Variants in TAF15 observed in about 807,000 individuals in gnomAD.
TAF15 encodes the protein TATA-box binding protein associated factor 15.
TAF15 carries 37 observed loss-of-function variants against 102.5 expected under a neutral mutation model. That is an observed-to-expected ratio of 0.36 (90% CI 0.28 to 0.47). TAF15 has a LOEUF of 0.47. Among genes scored for constraint, TAF15 ranks in the 20% least tolerant of loss-of-function variants. The probability of loss-of-function intolerance (pLI) is 0.99; values close to 1 mark genes in which losing one functional copy is unlikely to be tolerated. For missense variants in TAF15, 652 were observed against 760.7 expected, an observed-to-expected ratio of 0.86 and a Z score of 1.68; for synonymous variants, 273 against 259.2, an observed-to-expected ratio of 1.05 and a Z score of -0.51.
intron 1 of TAF15, chr17:35,810,557 T>C (rs1195669536): frequency 6.6e-6 from 1 of 152,242 alleles, no homozygotes; most frequent in African/African-American, 2.4e-5. Context: ...CAGGTGTCTA[T>C]CCACTTGCTA....
At chr17:35,845,152 C>A in intron 15 of TAF15, 114 bp downstream of exon 15, 1 of 1,334,786 alleles carries the variant, frequency 7.5e-7, no homozygotes, top group Non-Finnish European at 1.1e-6. Flanking sequence ...CCAGTTCTCT[C>A]AGGATGGAGA....
At position 35,822,627 on chromosome 17, in the gene TAF15, C is replaced by T. The variant is rs773605279; in HGVS notation, c.291-13C>T. The T allele has an allele frequency of 1.1e-5, 18 of 1,611,452 alleles. 1 individual carries two copies. The Admixed American group carries it at 2.8e-4, about 25-fold the overall frequency. ...TTCCTATGAAGTCTCTTAAGTTCTC[C>T]ATTTCTATTTAGCCAAGGTGGAAGA... On this transcript the variant is annotated splice_polypyrimidine_tract_variant and intron_variant, in intron 5 of 15. Coordinates refer to ENST00000605844, the MANE Select transcript of TAF15 (RefSeq NM_139215.3).
intron 2 of TAF15, among the ~76,000 whole-genome samples, chr17:35,819,636 A>G (rs1287315751): frequency 1.3e-5 from 2 of 152,172 alleles, no homozygotes; most frequent in African/African-American, 4.8e-5. Context: ...TAAATTGAGT[A>G]AGGTGTTCAT....
chr17:35,832,705 G>A (rs1286808331), intron 7 of TAF15, among the ~76,000 whole-genome samples: 5 of 152,090 alleles, frequency 3.3e-5, no homozygotes, highest in African/African-American at 1.2e-4. Context: ...TTATTGCCAT[G>A]TTAGCATATG....
chr17:35,825,149 C>T (rs2143774304), intron 7 of TAF15, among the ~76,000 whole-genome samples: 1 of 152,274 alleles, frequency 6.6e-6, no homozygotes, highest in Non-Finnish European at 1.5e-5. Context: ...AACCAGTTGC[C>T]CACAGACTGT....
chr17:35,844,573 G>A lies in TAF15; in HGVS notation c.1274G>A (p.Gly425Asp). The A allele has an allele frequency of 1.3e-6, 2 of 1,599,330 alleles. No homozygotes were observed. Among genetic ancestry groups the A allele is most frequent in the East Asian group, 2.3e-5 (1 of 44,272 alleles). Residue 425 changes from glycine (G) to aspartate (D), a missense_variant, in exon 15 of 16, where the codon GGT (glycine) becomes GAT (aspartate). This residue lies in a region of TAF15 where 368 missense variants were observed against 367.5 expected (regional missense o/e 1.00). Coordinates refer to ENST00000605844, the MANE Select transcript of TAF15 (RefSeq NM_139215.3). ...RGGYGGDRSG[G>D]GYGGDRSSGG... is the part of the protein sequence containing the mutation. Reference sequence around the variant, plus strand: ...GGCTATGGTGGAGACAGAAGTGGGGGTGGCTATGGTGGAGACAGAAGCAGC... The same window carrying A: ...GGCTATGGTGGAGACAGAAGTGGGGATGGCTATGGTGGAGACAGAAGCAGC...
chr17:35,819,565 G>C (rs936953652), intron 2 of TAF15, among the ~76,000 whole-genome samples: 1 of 152,158 alleles, frequency 6.6e-6, no homozygotes, highest in South Asian at 2.1e-4. Context: ...CATCTTTTAG[G>C]AAGTTAAAGC....
At chr17:35,812,866 G>T (rs1210896797) in intron 1 of TAF15, among the ~76,000 whole-genome samples, 1 of 152,112 alleles carries the variant, frequency 6.6e-6, no homozygotes, top group Non-Finnish European at 1.5e-5. Context: ...GGTGGCTCAT[G>T]CCTGTAATCC....
chr17:35,843,312 G>A (rs2087570233), intron 12 of TAF15, among the ~76,000 whole-genome samples: 1 of 151,902 alleles, frequency 6.6e-6, no homozygotes, highest in Non-Finnish European at 1.5e-5. Context: ...TAGTAGAGAT[G>A]GGGTTTCTCC....
At chr17:35,822,036 T>C (rs1278781627) in intron 5 of TAF15, among the ~76,000 whole-genome samples, 1 of 151,900 alleles carries the variant, frequency 6.6e-6, no homozygotes, top group Non-Finnish European at 1.5e-5. Context: ...TCTTTTACTT[T>C]TTTTTTTTTA....
intron 1 of TAF15, chr17:35,817,438 A>G: frequency 2.4e-6 from 1 of 424,270 alleles, no homozygotes; most frequent in Non-Finnish European, 4.3e-6. Context: ...TAAGGTCTTG[A>G]GTCTGTTTAA....
At chr17:35,812,959 C>G (rs2087143695) in intron 1 of TAF15, among the ~76,000 whole-genome samples, 1 of 151,810 alleles carries the variant, frequency 6.6e-6, no homozygotes, top group African/African-American at 2.4e-5. Flanking sequence ...GAAACCCCAT[C>G]TCTACTAAAA....
Position 35,833,918 on chromosome 17 carries a change from G to C in TAF15, c.617G>C (p.Arg206Pro). Residue 206 changes from arginine (R) to proline (P), a missense_variant, in exon 8 of 16, where the codon CGC (arginine) becomes CCC (proline). Physicochemically the swap from Arg to Pro is moderately radical, Grantham distance 103 (BLOSUM62 -2). Coordinates refer to ENST00000605844, the MANE Select transcript of TAF15 (RefSeq NM_139215.3). ...TTTTTCCTCTGCAGTGGTGGTGACC[G>C]CGGTGGCTTCAAAAATTTTGGTGGT... ...GPMTGSSGGD[R>P]GGFKNFGGHR... The C allele has an allele frequency of 6.2e-7, 1 of 1,613,816 alleles. No individual in the cohort carries two copies. Among genetic ancestry groups the C allele is most frequent in the Non-Finnish European group, 8.5e-7 (1 of 1,179,950 alleles).
intron 5 of TAF15, among the ~76,000 whole-genome samples, chr17:35,822,156 A>T (rs2087267896): frequency 6.6e-6 from 1 of 152,090 alleles, no homozygotes; most frequent in African/African-American, 2.4e-5. Context: ...AGCCTGACCA[A>T]CATGGAGAAA....
Position 35,845,181 on chromosome 17 carries a change from C to G in TAF15, c.1739+143C>G, listed in dbSNP as rs932060866. 30 of 1,064,706 alleles carry G rather than the reference C, an allele frequency of 2.8e-5. No homozygotes were observed. In the African/African-American group the frequency reaches 4.3e-4, roughly 15 times the overall value. The allele number at this position is 1,064,706 out of a possible 1,614,324, so 66.0% of individuals were successfully genotyped here. A position where few individuals can be genotyped will look rare whatever the true frequency, so the allele number is the denominator to read the frequency against. On this transcript the variant is annotated intron_variant, in intron 15 of 15. Coordinates refer to ENST00000605844, the MANE Select transcript of TAF15 (RefSeq NM_139215.3). ...ATGGAGAAGATGATTTAGTTTCCTG[C>G]TTAGCAATTTCTAAAATTTTGTTTT... is the stretch of plus-strand genomic sequence containing the variant.
In TAF15 at chr17:35,846,938, C is replaced by G; in HGVS notation, c.1772C>G (p.Pro591Arg). ...TACAGAAATGATCAGCGCAACCGAC[C>G]ATACTGATGACTGTTTTGAATGTTC... is the stretch of plus-strand genomic sequence containing the variant. ...NDYRNDQRNR[P>R]Y Residue 591 changes from proline to arginine, a missense_variant, in exon 16 of 16, where the codon CCA becomes CGA. By Grantham distance (103) the Pro-to-Arg change is moderately radical. Around this residue, in one of 3 missense-constraint regions of TAF15, gnomAD observed 368 missense variants for 367.5 expected, o/e 1.00. Coordinates refer to ENST00000605844, the MANE Select transcript of TAF15 (RefSeq NM_139215.3). 6.2e-7 allele frequency: 1 copy of G among 1,614,148 alleles called. No individual in the cohort carries two copies. The highest frequency in any genetic ancestry group is 8.5e-7 in the Non-Finnish European group (1 of 1,180,022).
intron 7 of TAF15, among the ~76,000 whole-genome samples, chr17:35,829,310 T>C (rs1008370779): frequency 6.6e-6 from 1 of 151,576 alleles, no homozygotes; most frequent in African/African-American, 2.4e-5. Context: ...GTTAGGTTTT[T>C]ATTTTATTTT....
In TAF15 at chr17:35,817,739, G is replaced by C. The variant is rs2087211818; in HGVS notation, c.31G>C (p.Gly11Arg). ...AGATTCTGGAAGTTACGGTCAGTCTGGGGGTGAGCAGCAAAGGTAAAGTAT... is the reference window on the plus strand; with the variant it reads ...AGATTCTGGAAGTTACGGTCAGTCTCGGGGTGAGCAGCAAAGGTAAAGTAT... MSDSGSYGQSGGEQQSYSTYG... is the reference protein window; with the variant it reads MSDSGSYGQSRGEQQSYSTYG... Residue 11 changes from glycine to arginine, a missense_variant, in exon 2 of 16, where the codon GGG becomes CGG. By Grantham distance (125) the Gly-to-Arg change is moderately radical (BLOSUM62 -2). Around this residue, in one of 3 missense-constraint regions of TAF15, gnomAD observed 243 missense variants for 284.1 expected, o/e 0.86. Coordinates refer to ENST00000605844, the MANE Select transcript of TAF15 (RefSeq NM_139215.3). 3 of 1,613,308 alleles carry C rather than the reference G, an allele frequency of 1.9e-6. No individual in the cohort carries two copies. In the East Asian group the frequency reaches 6.7e-5, roughly 36 times the overall value.
At chr17:35,833,805 T>C in intron 7 of TAF15, 102 bp from the exon 8 acceptor site, 1 of 1,195,442 alleles carries the variant, frequency 8.4e-7, no homozygotes, top group South Asian at 1.2e-5. Context: ...GCTACTGTTT[T>C]CCTAAGCACT....
Sources: allele counts gnomAD v4.1 joint callset (sites outside exome capture counted in the v4.1 genomes callset), GRCh38; gene constraint gnomAD v4.1.1; regional missense constraint gnomAD v4.1.1; transcripts MANE v1.5; gene names NCBI Gene and HGNC (gene_info 2026-07-23, HGNC 2026-07-21).